TAS2R1: variants seen among roughly 807,000 people sequenced by gnomAD.
TAS2R1 encodes the protein taste 2 receptor member 1.
For synonymous variants in TAS2R1, 141 were observed against 134.2 expected (o/e 1.05, Z -0.35); for missense variants, 370 against 353.4 (o/e 1.05, Z -0.38).
chr5:9,642,751 A>G (rs1192557450), intron 2 of TAS2R1, among the ~76,000 whole-genome samples: 2 of 152,192 alleles, frequency 1.3e-5, no homozygotes, highest in African/African-American at 4.8e-5. Flanking sequence ...AATACATTGA[A>G]TTTAAGTCTT....
Position 9,665,080 on chromosome 5 carries a change from G to T in TAS2R1, c.-241-5499C>A, listed in dbSNP as rs189234187. Among the ~76,000 whole-genome samples the T allele has an allele frequency of 4.5e-3, 678 of 152,280 alleles. 5 individuals carry two copies. The highest frequency in any genetic ancestry group is 0.016 in the African/African-American group (646 of 41,538). ...GATTCTCTTCTCAGCCTCTTACAAG[G>T]TGTCAGCTGGGCCACATTCTTTTCT... On this transcript the variant is annotated intron_variant, in intron 1 of 2. Coordinates refer to the TAS2R1 transcript ENST00000506620.
the TAS2R1 span, chr5:9,760,902 T>C: frequency 6.6e-6 from 1 of 152,116 alleles, no homozygotes; most frequent in Non-Finnish European, 1.5e-5. Flanking sequence ...AAGAAAACCC[T>C]CTTCGTCCAC....
chr5:9,763,803 C>T, the TAS2R1 span, among the ~76,000 whole-genome samples: 63,689 of 152,042 alleles, frequency 0.42, 13,643 homozygotes, highest in East Asian at 0.62. Context: ...CTGCCAGGAA[C>T]AAAGAAGTGG....
the TAS2R1 span, chr5:9,760,962 C>T: frequency 2.0e-5 from 3 of 152,198 alleles, no homozygotes; most frequent in Admixed American, 6.5e-5. Flanking sequence ...CGAAGCTAAG[C>T]AGGGTTGGGC....
the TAS2R1 span, among the ~76,000 whole-genome samples, chr5:9,837,887 A>T: frequency 6.6e-6 from 1 of 151,956 alleles, no homozygotes; most frequent in Non-Finnish European, 1.5e-5. Flanking sequence ...GTAGGTTCAC[A>T]TTAGATAGGC....
At chr5:9,863,734 T>C in the TAS2R1 span, among the ~76,000 whole-genome samples, 1 of 152,190 alleles carries the variant, frequency 6.6e-6, no homozygotes, top group South Asian at 2.1e-4. Flanking sequence ...GAGGAAATTG[T>C]GAAAAGTGTC....
At chr5:9,733,698 G>A in the TAS2R1 span, among the ~76,000 whole-genome samples, 4,809 of 152,178 alleles carry the variant, frequency 0.032, 250 homozygotes, top group African/African-American at 0.11. Flanking sequence ...TCACACAGAG[G>A]ATGCAGCAAT....
the TAS2R1 span, among the ~76,000 whole-genome samples, chr5:9,817,625 T>C: frequency 6.6e-6 from 1 of 152,170 alleles, no homozygotes; most frequent in Non-Finnish European, 1.5e-5. Flanking sequence ...ATGTGAATAA[T>C]GTCTCAAAGC....
chr5:9,653,769 T>C (rs1329712853), intron 2 of TAS2R1, among the ~76,000 whole-genome samples: 1 of 152,210 alleles, frequency 6.6e-6, no homozygotes, highest in African/African-American at 2.4e-5. Flanking sequence ...GTCATAGATT[T>C]TAATGAATAT....
chr5:9,717,425 G>A, the TAS2R1 span, among the ~76,000 whole-genome samples: 4 of 151,860 alleles, frequency 2.6e-5, no homozygotes, highest in Non-Finnish European at 5.9e-5. Context: ...TTATCAAGAT[G>A]TCAGTTCTCC....
At chr5:9,895,511 C>G in the TAS2R1 span, among the ~76,000 whole-genome samples, 1 of 152,212 alleles carries the variant, frequency 6.6e-6, no homozygotes, top group African/African-American at 2.4e-5. Flanking sequence ...AGCGCTGCCT[C>G]AAAAAGCCTG....
the TAS2R1 span, among the ~76,000 whole-genome samples, chr5:9,837,350 C>T: frequency 1.3e-5 from 2 of 152,072 alleles, no homozygotes; most frequent in Admixed American, 6.5e-5. Flanking sequence ...ACATGGCAGC[C>T]CTTAACTAGA....
At chr5:9,742,877 C>T in the TAS2R1 span, among the ~76,000 whole-genome samples, 1 of 152,082 alleles carries the variant, frequency 6.6e-6, no homozygotes, top group South Asian at 2.1e-4. Context: ...ATGAACAATG[C>T]ATGTCTAAAT....
the TAS2R1 span, among the ~76,000 whole-genome samples, chr5:9,829,280 T>G: frequency 6.6e-6 from 1 of 152,204 alleles, no homozygotes; most frequent in Non-Finnish European, 1.5e-5. Flanking sequence ...CACTTCTTCT[T>G]AATCATACAC....
intron 1 of TAS2R1, among the ~76,000 whole-genome samples, chr5:9,671,733 C>T (rs530337367): frequency 2.0e-5 from 3 of 152,134 alleles, no homozygotes; most frequent in Non-Finnish European, 4.4e-5. Flanking sequence ...TTTACAGATT[C>T]AATGCTATTC....
intron 1 of TAS2R1, among the ~76,000 whole-genome samples, chr5:9,660,264 G>T (rs1740508972): frequency 2.3e-5 from 3 of 133,044 alleles, no homozygotes; most frequent in African/African-American, 8.6e-5. Flanking sequence ...TTTTAGTAGA[G>T]ACGGGGTTTC....
chr5:9,777,407 G>A, the TAS2R1 span, among the ~76,000 whole-genome samples: 1 of 152,234 alleles, frequency 6.6e-6, no homozygotes, highest in Non-Finnish European at 1.5e-5. Context: ...TTCGTAAGAA[G>A]CAGCTCCTCA....
the TAS2R1 span, among the ~76,000 whole-genome samples, chr5:9,898,577 A>G: frequency 6.6e-6 from 1 of 152,236 alleles, no homozygotes; most frequent in Non-Finnish European, 1.5e-5. Flanking sequence ...ACAGAAATCA[A>G]TGTTTCTTGG....
chr5:9,827,363 A>G, the TAS2R1 span, among the ~76,000 whole-genome samples: 4 of 152,252 alleles, frequency 2.6e-5, no homozygotes, highest in South Asian at 8.3e-4. Context: ...CATTGTCTCT[A>G]GTCTATTCCA....
Sources: gnomAD v4.1 joint callset for allele counts (sites outside exome capture counted in the v4.1 genomes callset) on GRCh38, gnomAD v4.1.1 for gene constraint, MANE v1.5 for transcripts, NCBI Gene and HGNC (gene_info 2026-07-23, HGNC 2026-07-21) for gene names.